The following BRWD3 variants were observed in gnomAD, a reference collection of about 807,000 sequenced individuals.
The protein encoded by BRWD3 is bromodomain and WD repeat-containing protein 3.
BRWD3 carries 10 observed loss-of-function variants against 149.7 expected under a neutral mutation model. The observed-to-expected ratio is 0.07, with a 90% CI of 0.04 to 0.11. The LOEUF is 0.11. Among genes scored for constraint, BRWD3 ranks in the 10% least tolerant of loss-of-function variants. The pLI is 1.00. For synonymous variants in BRWD3, 504 were observed against 456.7 expected, an observed-to-expected ratio of 1.10 and a Z score of -1.32; for missense variants, 940 against 1,373.2, an observed-to-expected ratio of 0.68 and a Z score of 4.99.
intron 6 of BRWD3, among the ~76,000 whole-genome samples, chrX:80,771,264 C>T (rs1038379106): frequency 1.8e-4 from 20 of 111,238 alleles, no homozygotes; most frequent in Non-Finnish European, 1.3e-4. Flanking sequence ...AAAGTTCATA[C>T]GGAACCAAAA....
At chrX:80,793,925 T>C (rs750225165) in intron 4 of BRWD3, among the ~76,000 whole-genome samples, 153 bp from the exon 5 acceptor site, 1 of 112,783 alleles carries the variant, frequency 8.9e-6, no homozygotes, top group Non-Finnish European at 1.9e-5. Flanking sequence ...ACGCCTGTAA[T>C]CCCAAAACTT....
At chrX:80,680,196 G>C (rs2072425321) in intron 40 of BRWD3, among the ~76,000 whole-genome samples, 1 of 111,566 alleles carries the variant, frequency 9.0e-6, no homozygotes, top group African/African-American at 3.3e-5. Context: ...ACTTCAAATA[G>C]CTGAACATGT....
chrX:80,788,853 C>T (rs2074144311), intron 6 of BRWD3, among the ~76,000 whole-genome samples: 1 of 111,984 alleles, frequency 8.9e-6, no homozygotes, highest in Non-Finnish European at 1.9e-5. Flanking sequence ...TAAAAGGCTA[C>T]TTACTACCTG....
intron 6 of BRWD3, among the ~76,000 whole-genome samples, chrX:80,770,040 G>C (rs1223405836): frequency 2.7e-5 from 3 of 111,356 alleles, no homozygotes; most frequent in Non-Finnish European, 1.9e-5. Flanking sequence ...ACCCTCCCAA[G>C]ACTAAACCAG....
At chrX:80,784,369 C>A (rs1356935178) in intron 6 of BRWD3, among the ~76,000 whole-genome samples, 2 of 111,955 alleles carry the variant, frequency 1.8e-5, no homozygotes, top group African/African-American at 6.5e-5. Context: ...ACTAGTTCTT[C>A]AAATAAACAT....
intron 6 of BRWD3, among the ~76,000 whole-genome samples, chrX:80,751,987 T>C (rs1276706818): frequency 7.8e-5 from 2 of 25,510 alleles, no homozygotes; most frequent in Non-Finnish European, 4.1e-4. Context: ...ATTTCATTAT[T>C]ATTATTATTA....
chrX:80,741,083 T>C (rs894399269), intron 8 of BRWD3, among the ~76,000 whole-genome samples: 1 of 107,157 alleles, frequency 9.3e-6, no homozygotes, highest in African/African-American at 3.4e-5. Flanking sequence ...CAACAGGCCC[T>C]GGTGTGTGAT....
At chrX:80,760,166 TACTG>T (rs2073788146) in intron 6 of BRWD3, among the ~76,000 whole-genome samples, 1 of 112,076 alleles carries the variant, frequency 8.9e-6, no homozygotes, top group Admixed American at 9.5e-5. Flanking sequence ...TCTTGTGAAT[TACTG>T]ACCACCTCCT....
intron 27 of BRWD3, among the ~76,000 whole-genome samples, chrX:80,695,450 A>T (rs1193527952): frequency 8.9e-6 from 1 of 112,000 alleles, no homozygotes; most frequent in Non-Finnish European, 1.9e-5. Context: ...AATTTATTTA[A>T]ATTATAAAAT....
At chrX:80,732,746 T>A (rs1341863492) in intron 12 of BRWD3, among the ~76,000 whole-genome samples, 2 of 111,761 alleles carry the variant, frequency 1.8e-5, no homozygotes, top group Non-Finnish European at 3.8e-5. Flanking sequence ...TAGCAAAGAA[T>A]GTAGCTCTAA....
chrX:80,779,958 G>A (rs2147839431), intron 6 of BRWD3, among the ~76,000 whole-genome samples: 1 of 111,549 alleles, frequency 9.0e-6, no homozygotes, highest in African/African-American at 3.3e-5. Context: ...TTTTGCTAGG[G>A]TAATATTAAG....
intron 6 of BRWD3, among the ~76,000 whole-genome samples, chrX:80,753,807 G>C (rs775706677): frequency 1.8e-4 from 20 of 111,534 alleles, no homozygotes; most frequent in African/African-American, 6.5e-4. Context: ...GTTCTTGTCA[G>C]CTTTGTCAAA....
intron 40 of BRWD3, among the ~76,000 whole-genome samples, chrX:80,680,972 T>TTA (rs1488264169): frequency 1.1e-4 from 11 of 97,988 alleles, no homozygotes; most frequent in African/African-American, 4.1e-4. Flanking sequence ...GTGGCTACTT[T>TTA]TTTTTTTTTT....
At chrX:80,791,416 C>T (rs764132288) in intron 6 of BRWD3, among the ~76,000 whole-genome samples, 24 of 111,203 alleles carry the variant, frequency 2.2e-4, no homozygotes, top group African/African-American at 2.3e-4. Flanking sequence ...TTGAATGAGA[C>T]GTGAATTTCA....
In BRWD3 at chrX:80,793,644, C is replaced by A; in HGVS notation, c.309G>T (p.Gln103His). 8.3e-7 allele frequency: 1 copy of A among 1,210,948 alleles called. No homozygotes were observed. Among genetic ancestry groups the A allele is most frequent in the Non-Finnish European group, 1.1e-6 (1 of 894,919 alleles). The change falls in exon 5 of 41, where the codon CAG (glutamine) becomes CAT (histidine). Residue 103 changes from glutamine (Q) to histidine (H), a missense_variant. Gln to His is a conservative substitution (Grantham distance 24, BLOSUM62 0). Around this residue, in one of 6 missense-constraint regions of BRWD3, gnomAD observed 105 missense variants for 127.7 expected, o/e 0.82. Transcript: ENST00000373275. ...CACCTTTGGCATCCCGTAGCAGAGA[C>A]TGCCGACCAACACCTAATAATGTCT... ...GVQTLLGVGR[Q>H]SLLRDAKDCK...
intron 8 of BRWD3, among the ~76,000 whole-genome samples, chrX:80,738,392 A>G (rs886806499): frequency 8.9e-6 from 1 of 112,267 alleles, no homozygotes; most frequent in Non-Finnish European, 1.9e-5. Context: ...ACAGAAAAAA[A>G]GTAACACGTA....
In BRWD3 at chrX:80,789,051, CT is replaced by C. The variant is rs775358440; in HGVS notation, c.430+2802del. Among the ~76,000 whole-genome samples, 48 of 111,926 alleles carry C rather than the reference CT, an allele frequency of 4.3e-4. 1 individual carries two copies. The South Asian group carries it at 0.017, about 40-fold the overall frequency. On this transcript the variant is annotated intron_variant, in intron 6 of 40. Coordinates refer to ENST00000373275, the MANE Select transcript of BRWD3 (RefSeq NM_153252.5). Reference sequence around the variant, plus strand: ...TGAACTGCACACTTAAAAAGACAGCCTTTTATGTCAATAATATCCTAATACA... The same window carrying C: ...TGAACTGCACACTTAAAAAGACAGCCTTTATGTCAATAATATCCTAATACA...
At chrX:80,779,667 T>C (rs1204293606) in intron 6 of BRWD3, among the ~76,000 whole-genome samples, 1 of 111,813 alleles carries the variant, frequency 8.9e-6, no homozygotes, top group Non-Finnish European at 1.9e-5. Context: ...CAGATTAATA[T>C]AGACTAAAAT....
chrX:80,741,935 C>A (rs2073516912), intron 8 of BRWD3, among the ~76,000 whole-genome samples: 1 of 111,570 alleles, frequency 9.0e-6, no homozygotes, highest in Admixed American at 9.5e-5. Flanking sequence ...TTTGTCAATT[C>A]TGGCTTTTGT....
Sources: allele counts gnomAD v4.1 joint callset (sites outside exome capture counted in the v4.1 genomes callset), GRCh38; gene constraint gnomAD v4.1.1; regional missense constraint gnomAD v4.1.1; transcripts MANE v1.5; gene names NCBI Gene and HGNC (gene_info 2026-07-23, HGNC 2026-07-21).